The following TBC1D5 variants were observed in gnomAD, a reference collection of about 807,000 sequenced individuals.
TBC1D5 encodes the protein TBC1 domain family member 5, also known as TBC1 domain family, member 5.
Under a neutral mutation model 100.3 loss-of-function variants are expected in TBC1D5, and 75 were observed. That is an observed-to-expected ratio of 0.75 (90% CI 0.62 to 0.91). The LOEUF (loss-of-function observed/expected upper bound fraction) is 0.91, where lower values mean the gene tolerates loss of function less well. TBC1D5 is among the 40% of genes least tolerant of loss of function. The pLI, the probability that TBC1D5 is intolerant of heterozygous loss-of-function variation, is 0.00. For missense variants in TBC1D5, 910 were observed against 942.4 expected (o/e 0.97, Z 0.45); for synonymous variants, 323 against 325.6 (o/e 0.99, Z 0.09).
upstream of TBC1D5, among the ~76,000 whole-genome samples, chr3:17,741,917 G>C (rs964636551): frequency 7.0e-6 from 1 of 141,898 alleles, no homozygotes; most frequent in African/African-American, 2.6e-5. Context: ...TTCCTCAAAA[G>C]TGAAGTCAAG....
chr3:17,174,372 G>T (rs1002956899), intron 19 of TBC1D5, among the ~76,000 whole-genome samples: 2 of 152,150 alleles, frequency 1.3e-5, no homozygotes, highest in Non-Finnish European at 2.9e-5. Flanking sequence ...AAACCCCACT[G>T]CTCCTTGCTA....
At chr3:17,432,806 T>C (rs547163822) in intron 3 of TBC1D5, among the ~76,000 whole-genome samples, 1 of 152,292 alleles carries the variant, frequency 6.6e-6, no homozygotes, top group Non-Finnish European at 1.5e-5. Context: ...TTCATAGAAT[T>C]CTTAAAAACA....
At chr3:17,279,172 T>A (rs188704876) in intron 15 of TBC1D5, among the ~76,000 whole-genome samples, 1 of 152,220 alleles carries the variant, frequency 6.6e-6, no homozygotes, top group Non-Finnish European at 1.5e-5. Context: ...AAGCACACAT[T>A]TTTTTACAAA....
intron 1 of TBC1D5, among the ~76,000 whole-genome samples, chr3:17,633,292 G>C (rs2063643978): frequency 6.6e-6 from 1 of 152,034 alleles, no homozygotes; most frequent in Non-Finnish European, 1.5e-5. Context: ...ACAAAAATTA[G>C]CCAGGTGTGG....
At chr3:17,178,891 T>C (rs2068115505) in intron 19 of TBC1D5, among the ~76,000 whole-genome samples, 2 of 152,104 alleles carry the variant, frequency 1.3e-5, no homozygotes, top group South Asian at 4.2e-4. Flanking sequence ...GCAATCCTCC[T>C]GCTTCGGCCT....
rs1419284604 is a variant in TBC1D5 at position 17,180,865 on chromosome 3, G to A, written c.1852+4244C>T. 4.0e-5 allele frequency among the ~76,000 whole-genome samples: 6 copies of A among 148,398 alleles called. No individual in the cohort carries two copies. The East Asian group carries it at 1.2e-3, about 29-fold the overall frequency. On this transcript the variant is annotated intron_variant, in intron 19 of 21. Transcript: ENST00000253692. ...CACTAAAAGCCCAGACTTCACCACT[G>A]TGCAGTATATCCATGTATCAAAAGC...
chr3:17,412,690 A>T (rs2093961775), intron 4 of TBC1D5, among the ~76,000 whole-genome samples: 1 of 152,114 alleles, frequency 6.6e-6, no homozygotes, highest in Non-Finnish European at 1.5e-5. Context: ...CCCACTTATG[A>T]TATAATATTT....
chr3:17,231,077 T>C (rs2075377242), intron 17 of TBC1D5, among the ~76,000 whole-genome samples: 1 of 152,156 alleles, frequency 6.6e-6, no homozygotes, highest in Non-Finnish European at 1.5e-5. Flanking sequence ...AATCCAGAGA[T>C]GTGAAACCCA....
chr3:17,552,034 AC>A (rs2096478507), intron 2 of TBC1D5, among the ~76,000 whole-genome samples: 1 of 152,018 alleles, frequency 6.6e-6, no homozygotes, highest in Admixed American at 6.6e-5. Flanking sequence ...GGCATGGGAA[AC>A]CTTGTTTCTG....
chr3:17,742,445 G>A (rs2077557109), upstream of TBC1D5: 1 of 152,950 alleles, frequency 6.5e-6, no homozygotes, highest in Admixed American at 6.5e-5. Flanking sequence ...AGAGGGCTTG[G>A]GCTTTTTTAC....
At chr3:17,584,694 G>C (rs1208601988) in intron 2 of TBC1D5, among the ~76,000 whole-genome samples, 1 of 152,006 alleles carries the variant, frequency 6.6e-6, no homozygotes, top group East Asian at 1.9e-4. Context: ...TTTATTTTGA[G>C]ATGCAAGGCT....
intron 18 of TBC1D5, among the ~76,000 whole-genome samples, chr3:17,208,732 A>G (rs1208464994): frequency 6.6e-6 from 1 of 152,248 alleles, no homozygotes; most frequent in Non-Finnish European, 1.5e-5. Flanking sequence ...ACCATCATAA[A>G]GAAAAGTAAT....
At chr3:17,741,696 T>C (rs976087886), upstream of TBC1D5, among the ~76,000 whole-genome samples, 6 of 151,858 alleles carry the variant, frequency 4.0e-5, no homozygotes, top group Non-Finnish European at 7.4e-5. Context: ...GTAACTGGTA[T>C]CGAACAAATT....
At chr3:17,283,337 T>C (rs749231299) in intron 15 of TBC1D5, among the ~76,000 whole-genome samples, 1 of 152,156 alleles carries the variant, frequency 6.6e-6, no homozygotes, top group Non-Finnish European at 1.5e-5. Flanking sequence ...GTTAGTGCTG[T>C]TGGAGATCTA....
At chr3:17,555,556 C>T (rs1321815964) in intron 2 of TBC1D5, among the ~76,000 whole-genome samples, 1 of 152,136 alleles carries the variant, frequency 6.6e-6, no homozygotes, top group East Asian at 1.9e-4. Context: ...GTATTGGACT[C>T]CCAGCTAATC....
intron 2 of TBC1D5, among the ~76,000 whole-genome samples, chr3:17,533,084 C>T (rs915843758): frequency 6.6e-6 from 1 of 151,052 alleles, no homozygotes; most frequent in African/African-American, 2.4e-5. Context: ...GACACACACA[C>T]ACACACACAC....
chr3:17,291,997 G>C (rs1303977846), exon 15 of TBC1D5: 2 of 1,611,998 alleles, frequency 1.2e-6, no homozygotes, highest in African/African-American at 2.7e-5. Context: ...AGTTACTAGA[G>C]ATCACTAAAT....
chr3:17,261,484 T>C (rs1168490509), intron 15 of TBC1D5, among the ~76,000 whole-genome samples: 1 of 6,990 alleles, frequency 1.4e-4, no homozygotes, highest in Non-Finnish European at 3.1e-4. Context: ...TGGGGTGGGG[T>C]GGGGGGGGAG....
chr3:17,729,263 C>T (rs989044681), intron 1 of TBC1D5, among the ~76,000 whole-genome samples: 1 of 151,218 alleles, frequency 6.6e-6, no homozygotes, highest in Admixed American at 6.6e-5. Context: ...ATTTCTATTA[C>T]ACATACCCTC....
Sources: gnomAD v4.1 joint callset for allele counts (sites outside exome capture counted in the v4.1 genomes callset) on GRCh38, gnomAD v4.1.1 for gene constraint, MANE v1.5 for transcripts, NCBI Gene and HGNC (gene_info 2026-07-23, HGNC 2026-07-21) for gene names.